VIT: variants seen among roughly 807,000 people sequenced by gnomAD.
The protein encoded by VIT is vitrin.
A neutral mutation model predicts 78.0 loss-of-function variants in VIT; 99 were observed. That is an observed-to-expected ratio of 1.27 (90% confidence interval 1.08 to 1.50). The LOEUF (loss-of-function observed/expected upper bound fraction) is 1.50, where lower values mean the gene tolerates loss of function less well. Ranked by LOEUF, VIT falls within the 40% of genes most tolerant of loss-of-function variation. The pLI, the probability that VIT is intolerant of heterozygous loss-of-function variation, is 0.00. For synonymous variants in VIT, 374 were observed against 334.3 expected (o/e 1.12, Z -1.29); for missense variants, 1,126 against 875.3 (o/e 1.29, Z -3.61).
intron 4 of VIT, among the ~76,000 whole-genome samples, chr2:36,747,802 G>A (rs1668230028): frequency 6.6e-6 from 1 of 152,192 alleles, no homozygotes. Context: ...AATGTTGTCA[G>A]CTGGTTGTTT....
rs141908607 is a variant in VIT, at chr2:36,775,067, G to C, written c.802G>C (p.Gly268Arg). The C allele has an allele frequency of 1.6e-3, 2,518 of 1,613,566 alleles. 7 individuals are homozygous for C. Among genetic ancestry groups the C allele is most frequent in the Non-Finnish European group, 1.8e-3 (2,151 of 1,179,936 alleles). The change falls in exon 9 of 16, where the codon GGA (glycine) becomes CGA (arginine). Residue 268 changes from glycine to arginine, a missense_variant and splice_region_variant. Transcript: ENST00000379242. ...ACCTGTTGGAGCGGATGTCAGCCTG[G>C]GTAAGCTGCCCACTGCTTACCATCT... Reference protein sequence around the residue: ...QKPVGADVSLGEMDSWKPGSV... With the variant: ...QKPVGADVSLREMDSWKPGSV...
chr2:36,747,152 G>A (rs1411930628), intron 4 of VIT, among the ~76,000 whole-genome samples: 1 of 152,088 alleles, frequency 6.6e-6, no homozygotes, highest in African/African-American at 2.4e-5. Context: ...ATTGCACTGT[G>A]TTCCAAGAGT....
intron 1 of VIT, among the ~76,000 whole-genome samples, chr2:36,703,907 G>A (rs1457841456): frequency 2.9e-5 from 2 of 68,158 alleles, no homozygotes; most frequent in African/African-American, 8.8e-5. Flanking sequence ...TGTTTGTTTG[G>A]GGTTTTTTTT....
intron 4 of VIT, among the ~76,000 whole-genome samples, chr2:36,752,453 C>T (rs1668519845): frequency 6.6e-6 from 1 of 152,200 alleles, no homozygotes. Context: ...AGGAGGTGAA[C>T]ATCAAGGCCA....
At position 36,716,438 on chromosome 2, in the gene VIT, T is replaced by C. The variant is rs755973471; in HGVS notation, c.52+16T>C. On this transcript the variant is annotated intron_variant, in intron 2 of 15. Coordinates refer to ENST00000379242, the MANE Select transcript of VIT (RefSeq NM_053276.4). The stretch of plus-strand genomic sequence containing the variant: ...ATGTTCCTTGGTAAGTACTTTTATA[T>C]GTGTATCTGGATACCCTTTTAAAAT... 5 of 1,612,992 alleles carry C rather than the reference T, an allele frequency of 3.1e-6. No homozygotes were observed. Among genetic ancestry groups the C allele is most frequent in the Non-Finnish European group, 4.2e-6 (5 of 1,179,298 alleles).
intron 11 of VIT, among the ~76,000 whole-genome samples, chr2:36,784,032 A>T (rs1664934944): frequency 6.6e-6 from 1 of 152,186 alleles, no homozygotes; most frequent in African/African-American, 2.4e-5. Flanking sequence ...AACCGAGGCT[A>T]TGAGAACAGA....
intron 13 of VIT, among the ~76,000 whole-genome samples, chr2:36,802,673 A>G (rs1666416676): frequency 6.6e-6 from 1 of 152,246 alleles, no homozygotes; most frequent in Admixed American, 6.5e-5. Context: ...GTAAAATCCC[A>G]GTGGAGACAA....
intron 1 of VIT, among the ~76,000 whole-genome samples, chr2:36,698,717 G>C (rs966214726): frequency 6.6e-6 from 1 of 152,156 alleles, no homozygotes; most frequent in African/African-American, 2.4e-5. Context: ...GCCGAGGTGG[G>C]TGGATCACCT....
At chr2:36,752,176 G>C (rs988075626) in intron 4 of VIT, among the ~76,000 whole-genome samples, 11 of 152,134 alleles carry the variant, frequency 7.2e-5, no homozygotes, top group Admixed American at 3.9e-4. Flanking sequence ...GAACATATTT[G>C]AGGCATCATA....
intron 13 of VIT, 108 bp from the exon 14 acceptor site, chr2:36,805,330 A>AAGT: frequency 1.2e-6 from 1 of 817,116 alleles, no homozygotes; most frequent in Non-Finnish European, 1.8e-6. Flanking sequence ...AAAAAAAACT[A>AAGT]GGGAGGGAAT....
intron 3 of VIT, among the ~76,000 whole-genome samples, chr2:36,734,892 G>A (rs975622018): frequency 2.6e-5 from 4 of 152,180 alleles, no homozygotes; most frequent in Non-Finnish European, 5.9e-5. Context: ...TAATCTGGCA[G>A]GCTGGGCACG....
At chr2:36,764,851 C>T (rs1669324622) in intron 6 of VIT, among the ~76,000 whole-genome samples, 1 of 152,066 alleles carries the variant, frequency 6.6e-6, no homozygotes, top group South Asian at 2.1e-4. Context: ...ATGATTCTGG[C>T]ACTATTTTCC....
chr2:36,759,124 A>G, intron 6 of VIT, 78 bp downstream of exon 6: 8 of 1,614,008 alleles, frequency 5.0e-6, no homozygotes, highest in Non-Finnish European at 5.9e-6. Context: ...TAGCGGAGAA[A>G]TTAACATCTT....
rs1366448757 is a variant in VIT at position 36,805,451 on chromosome 2, C to T, written c.1176C>T (p.Ser392=). The T allele has an allele frequency of 6.2e-7, 1 of 1,611,310 alleles. No individual in the cohort carries two copies. The highest frequency in any genetic ancestry group is 1.7e-5 in the Admixed American group (1 of 59,642). The part of the protein sequence containing the change: ...GGLSNVGRAI[S]FVTKNFFSKA... The stretch of plus-strand genomic sequence containing the variant: ...TTTTTCTTCCAGGTCGGGCCATCTC[C>T]TTTGTGACCAAGAACTTCTTTTCCA... The change falls in exon 14 of 16, where the codon TCC becomes TCT. Residue 392 remains serine, a synonymous_variant. Coordinates refer to ENST00000379242, the MANE Select transcript of VIT (RefSeq NM_053276.4).
chr2:36,754,422 T>C (rs759785193), intron 4 of VIT, among the ~76,000 whole-genome samples: 19 of 152,308 alleles, frequency 1.2e-4, no homozygotes, highest in Non-Finnish European at 2.2e-4. Flanking sequence ...CCCAGAAATT[T>C]AAAGAAACAA....
chr2:36,808,749 A>G lies in VIT; in HGVS notation c.1667A>G (p.Tyr556Cys). ...CGCATCGGGGCCGTGCAGTACACCT[A>G]CGAACAGCGGCTGGAGTTTGGGTTC... ...DTRIGAVQYT[Y>C]EQRLEFGFDK... The change falls in exon 15 of 16, where the codon TAC (tyrosine) becomes TGC (cysteine). Residue 556 changes from tyrosine to cysteine, a missense_variant. Tyr to Cys is a radical substitution (Grantham distance 194, BLOSUM62 -2). Transcript: ENST00000379242. The G allele has an allele frequency of 1.9e-6, 3 of 1,614,092 alleles. No individual in the cohort carries two copies. Among genetic ancestry groups the G allele is most frequent in the South Asian group, 1.1e-5 (1 of 91,070 alleles).
At chr2:36,785,417 G>A (rs560924624) in intron 11 of VIT, among the ~76,000 whole-genome samples, 1 of 152,298 alleles carries the variant, frequency 6.6e-6, no homozygotes, top group East Asian at 1.9e-4. Context: ...AAAAAAATGA[G>A]TTGGCCTTGC....
chr2:36,701,211 C>G (rs1665035772), intron 1 of VIT, among the ~76,000 whole-genome samples: 2 of 151,962 alleles, frequency 1.3e-5, no homozygotes, highest in African/African-American at 4.8e-5. Flanking sequence ...GAGAAGAGGG[C>G]TTTTATTTCT....
rs1188416414 is a variant in VIT at position 36,809,194 on chromosome 2, G to A, written c.1903+209G>A. 2.6e-5 allele frequency among the ~76,000 whole-genome samples: 4 copies of A among 152,156 alleles called. No homozygotes were observed. The East Asian group carries it at 7.7e-4, about 29-fold the overall frequency. ...GGAACAAGGATGGGGCAGCAAGGTG[G>A]TCTCCTAAGTGTCATTACAAACCCA... On this transcript the variant is annotated intron_variant, in intron 15 of 15. Transcript: ENST00000379242.
Sources: allele counts gnomAD v4.1 joint callset (sites outside exome capture counted in the v4.1 genomes callset), GRCh38; gene constraint gnomAD v4.1.1; transcripts MANE v1.5; gene names NCBI Gene and HGNC (gene_info 2026-07-23, HGNC 2026-07-21).